CNTN6: variants seen among roughly 807,000 people sequenced by gnomAD.
CNTN6 encodes the protein contactin 6.
A neutral mutation model predicts 122.8 loss-of-function variants in CNTN6; 137 were observed. The ratio of observed to expected loss-of-function variants is 1.12; its 90% CI spans 0.97 to 1.29. CNTN6 has a LOEUF of 1.29. Ranked by LOEUF, CNTN6 falls within the 50% of genes most tolerant of loss-of-function variation. The pLI is 0.00. For missense variants in CNTN6, 1,634 were observed against 1,223.4 expected (o/e 1.34, Z -5.01); for synonymous variants, 570 against 426.0 (o/e 1.34, Z -4.16).
intron 5 of CNTN6, among the ~76,000 whole-genome samples, chr3:1,279,962 T>C (rs973092164): frequency 6.6e-6 from 1 of 152,180 alleles, no homozygotes; most frequent in Non-Finnish European, 1.5e-5. Context: ...AAAATAATAT[T>C]GTTTCAGAAC....
intron 4 of CNTN6, among the ~76,000 whole-genome samples, chr3:1,234,625 G>A (rs898329688): frequency 2.0e-5 from 3 of 152,140 alleles, no homozygotes; most frequent in Non-Finnish European, 2.9e-5. Context: ...TGCGAAGTGC[G>A]TATTAAGTGG....
intron 7 of CNTN6, among the ~76,000 whole-genome samples, chr3:1,300,241 C>T (rs1696970780): frequency 6.6e-6 from 1 of 152,134 alleles, no homozygotes; most frequent in Non-Finnish European, 1.5e-5. Context: ...CCGACTCAGC[C>T]TTCCTAAGTG....
rs1223856535 is a variant in CNTN6 at position 1,253,316 on chromosome 3, G to A, written c.359-25097G>A. Reference sequence around the variant, plus strand: ...TTCATTCTTTTATCTCACTAGTCTTGTTCTGCGAAAATTTGAGATCTCAAT... The same window carrying A: ...TTCATTCTTTTATCTCACTAGTCTTATTCTGCGAAAATTTGAGATCTCAAT... On this transcript the variant is annotated intron_variant, in intron 4 of 22. Transcript: ENST00000446702. 6.6e-5 allele frequency among the ~76,000 whole-genome samples: 10 copies of A among 152,154 alleles called. No homozygotes were observed. The East Asian group carries it at 1.7e-3, about 26-fold the overall frequency.
intron 7 of CNTN6, among the ~76,000 whole-genome samples, chr3:1,308,612 T>C (rs1387681304): frequency 6.6e-6 from 1 of 151,828 alleles, no homozygotes; most frequent in Non-Finnish European, 1.5e-5. Context: ...TTATGTTAAA[T>C]TAAACATATG....
chr3:1,305,704 C>T (rs1698246597), intron 7 of CNTN6, among the ~76,000 whole-genome samples: 1 of 148,648 alleles, frequency 6.7e-6, no homozygotes. Flanking sequence ...CCTTTTCTGT[C>T]AGTGTTCTGG....
At chr3:1,375,867 T>C (rs1203424419) in intron 16 of CNTN6, among the ~76,000 whole-genome samples, 3 of 152,164 alleles carry the variant, frequency 2.0e-5, no homozygotes, top group African/African-American at 7.2e-5. Context: ...TTTCTGGTCA[T>C]GTTTATAGAG....
intron 11 of CNTN6, among the ~76,000 whole-genome samples, chr3:1,350,704 G>A (rs1705487302): frequency 6.6e-6 from 1 of 151,628 alleles, no homozygotes; most frequent in Admixed American, 6.6e-5. Flanking sequence ...CTTAGTGGCT[G>A]GAAAACTTTC....
intron 2 of CNTN6, among the ~76,000 whole-genome samples, chr3:1,174,780 C>T (rs2093418424): frequency 6.6e-6 from 1 of 152,126 alleles, no homozygotes; most frequent in Non-Finnish European, 1.5e-5. Context: ...ATTGATATGC[C>T]AAGCACTGTG....
At chr3:1,300,150 T>A (rs550931575) in intron 7 of CNTN6, among the ~76,000 whole-genome samples, 61 of 151,118 alleles carry the variant, frequency 4.0e-4, no homozygotes, top group African/African-American at 1.3e-3. Context: ...CTAATTGTAA[T>A]TTTTTTTTGG....
chr3:1,335,375 C>A (rs1702903574), intron 11 of CNTN6, among the ~76,000 whole-genome samples: 1 of 152,178 alleles, frequency 6.6e-6, no homozygotes, highest in Admixed American at 6.5e-5. Flanking sequence ...TTAAGTTTAT[C>A]TCTGCAAGGC....
intron 11 of CNTN6, among the ~76,000 whole-genome samples, chr3:1,338,244 C>T (rs1703372409): frequency 6.6e-6 from 1 of 152,108 alleles, no homozygotes; most frequent in Non-Finnish European, 1.5e-5. Context: ...AATGGGTAGG[C>T]TTCCTTGTAG....
chr3:1,142,741 A>G (rs1005352038), intron 1 of CNTN6, among the ~76,000 whole-genome samples: 1 of 151,944 alleles, frequency 6.6e-6, no homozygotes, highest in African/African-American at 2.4e-5. Context: ...GGTTGCAGTG[A>G]AATTTTATTT....
At chr3:1,110,280 T>TC (rs1179463502) in intron 1 of CNTN6, among the ~76,000 whole-genome samples, 1 of 152,110 alleles carries the variant, frequency 6.6e-6, no homozygotes, top group African/African-American at 2.4e-5. Context: ...TTAAAACATA[T>TC]CCAACTCTGC....
At chr3:1,392,087 C>T (rs1487898942) in intron 20 of CNTN6, among the ~76,000 whole-genome samples, 21 of 152,220 alleles carry the variant, frequency 1.4e-4, no homozygotes, top group Admixed American at 2.6e-4. Context: ...AAAAAGAGCC[C>T]GCATCGCCAA....
intron 1 of CNTN6, among the ~76,000 whole-genome samples, chr3:1,130,496 T>C (rs530840475): frequency 8.5e-5 from 13 of 152,240 alleles, no homozygotes; most frequent in Admixed American, 3.9e-4. Flanking sequence ...TACCCATCTT[T>C]CTAGCCCCGT....
At chr3:1,260,173 C>T (rs1045491200) in intron 4 of CNTN6, among the ~76,000 whole-genome samples, 1 of 152,152 alleles carries the variant, frequency 6.6e-6, no homozygotes. Flanking sequence ...CAAATTGACT[C>T]CCTGATTGCA....
At chr3:1,152,017 G>A (rs2092854351) in intron 2 of CNTN6, among the ~76,000 whole-genome samples, 2 of 152,092 alleles carry the variant, frequency 1.3e-5, no homozygotes, top group African/African-American at 4.8e-5. Flanking sequence ...AGATAATTTG[G>A]ATAACCAAAT....
chr3:1,149,557 A>AT (rs1281522771), intron 2 of CNTN6, among the ~76,000 whole-genome samples: 4 of 152,134 alleles, frequency 2.6e-5, no homozygotes, highest in African/African-American at 7.2e-5. Context: ...AATAAAAGCA[A>AT]TTTTACCACT....
intron 11 of CNTN6, among the ~76,000 whole-genome samples, chr3:1,334,234 G>T (rs975813256): frequency 6.6e-6 from 1 of 152,122 alleles, no homozygotes; most frequent in African/African-American, 2.4e-5. Flanking sequence ...TTTAGAAATA[G>T]CACTTATATT....
Sources: gnomAD v4.1 joint callset for allele counts (sites outside exome capture counted in the v4.1 genomes callset) on GRCh38, gnomAD v4.1.1 for gene constraint, MANE v1.5 for transcripts, NCBI Gene and HGNC (gene_info 2026-07-23, HGNC 2026-07-21) for gene names.